The following SKIC2 variants were observed in gnomAD, a reference collection of about 807,000 sequenced individuals.
The protein encoded by SKIC2 is superkiller complex protein 2.
At chr6:31,968,462 G>A in the SKIC2 span, 5 of 1,612,882 alleles carry the variant, frequency 3.1e-6, no homozygotes, top group Admixed American at 1.7e-5. The surrounding 1 kb of genome is among the most constrained non-coding windows in gnomAD (Gnocchi z 6.1). Context: ...GTTGTAGAGG[G>A]TGGGCTCCGG....
the SKIC2 span, chr6:31,968,562 C>T: frequency 1.9e-6 from 3 of 1,598,608 alleles, no homozygotes; most frequent in Non-Finnish European, 2.6e-6. The surrounding 1 kb of genome is among the most constrained non-coding windows in gnomAD (Gnocchi z 6.1). Flanking sequence ...TGGTAACTCC[C>T]AAGCTGGGAG....
the SKIC2 span, chr6:31,967,668 G>A: frequency 1.2e-6 from 2 of 1,603,182 alleles, no homozygotes; most frequent in South Asian, 2.2e-5. The surrounding 1 kb of genome is among the most constrained non-coding windows in gnomAD (Gnocchi z 4.9). Flanking sequence ...TGCCTTTGAT[G>A]TCTACTCATC....
the SKIC2 span, chr6:31,969,549 CT>C: frequency 2.0e-5 from 33 of 1,613,840 alleles, no homozygotes; most frequent in Admixed American, 5.2e-4. The surrounding 1 kb of genome is among the most constrained non-coding windows in gnomAD (Gnocchi z 6.1). Context: ...TCAGGGACCC[CT>C]GAGGGCCTGG....
the SKIC2 span, chr6:31,961,239 G>T: frequency 6.2e-7 from 1 of 1,613,270 alleles, no homozygotes. Flanking sequence ...TTAGCTGTAT[G>T]TTGGAGCCTC....
At chr6:31,961,579 C>T in the SKIC2 span, 2 of 1,612,758 alleles carry the variant, frequency 1.2e-6, no homozygotes, top group Non-Finnish European at 1.7e-6. Flanking sequence ...CCCCAGAGGC[C>T]CCAGAGCCTC....
the SKIC2 span, chr6:31,963,455 C>T: frequency 6.2e-7 from 1 of 1,611,138 alleles, no homozygotes; most frequent in Non-Finnish European, 8.5e-7. The surrounding 1 kb of genome is among the most constrained non-coding windows in gnomAD (Gnocchi z 5.3). Flanking sequence ...GCACTGTAAC[C>T]CGCCCCGTGC....
the SKIC2 span, chr6:31,968,281 G>A: frequency 6.5e-7 from 1 of 1,531,798 alleles, no homozygotes; most frequent in Non-Finnish European, 9.0e-7. This position sits in a 1 kb window ranked among gnomAD's most constrained non-coding sequence, Gnocchi z 6.1. Flanking sequence ...AGGCTTCTGG[G>A]GGAGAGAAGA....
the SKIC2 span, chr6:31,963,643 T>C: frequency 1.3e-6 from 2 of 1,547,880 alleles, no homozygotes; most frequent in Non-Finnish European, 1.7e-6. This position sits in a 1 kb window ranked among gnomAD's most constrained non-coding sequence, Gnocchi z 5.3. Flanking sequence ...CCAGGTACTA[T>C]GCAGCTGTGG....
the SKIC2 span, chr6:31,963,630 G>A: frequency 2.0e-6 from 3 of 1,536,818 alleles, no homozygotes; most frequent in South Asian, 3.8e-5. This position sits in a 1 kb window ranked among gnomAD's most constrained non-coding sequence, Gnocchi z 5.3. Flanking sequence ...CCCTCCCTGT[G>A]CCCCAGGTAC....
the SKIC2 span, chr6:31,963,568 C>T: frequency 1.3e-5 from 20 of 1,558,612 alleles, no homozygotes; most frequent in Admixed American, 1.0e-4. The surrounding 1 kb of genome is among the most constrained non-coding windows in gnomAD (Gnocchi z 5.3). Flanking sequence ...GGGTAAGCCT[C>T]GAGATGGGGG....
At chr6:31,965,752 T>A in the SKIC2 span, 1 of 1,404,394 alleles carries the variant, frequency 7.1e-7, no homozygotes, top group Non-Finnish European at 1.0e-6. This position sits in a 1 kb window ranked among gnomAD's most constrained non-coding sequence, Gnocchi z 5.6. Flanking sequence ...GTAGAGCCTT[T>A]GCTGATCCTT....
chr6:31,969,354 G>A, the SKIC2 span: 1 of 1,614,226 alleles, frequency 6.2e-7, no homozygotes, highest in African/African-American at 1.3e-5. This position sits in a 1 kb window ranked among gnomAD's most constrained non-coding sequence, Gnocchi z 6.1. Flanking sequence ...ACCAGACGGT[G>A]GAGGAATTTG....
the SKIC2 span, chr6:31,961,046 C>T: frequency 1.3e-5 from 21 of 1,611,034 alleles, no homozygotes; most frequent in Non-Finnish European, 1.6e-5. Context: ...TACAGATCTT[C>T]TTACTATTCC....
At chr6:31,969,207 C>T in the SKIC2 span, 46 of 1,580,774 alleles carry the variant, frequency 2.9e-5, no homozygotes, top group Non-Finnish European at 3.7e-5. The surrounding 1 kb of genome is among the most constrained non-coding windows in gnomAD (Gnocchi z 6.1). Context: ...TGGAAAATGG[C>T]TGCCTTCTTG....
chr6:31,969,534 G>A, the SKIC2 span: 1 of 1,613,412 alleles, frequency 6.2e-7, no homozygotes. The surrounding 1 kb of genome is among the most constrained non-coding windows in gnomAD (Gnocchi z 6.1). Context: ...GAGTTGGCAG[G>A]GCTCTCAGGG....
chr6:31,967,204 G>A, the SKIC2 span: 336 of 1,608,648 alleles, frequency 2.1e-4, 1 homozygote, highest in Non-Finnish European at 2.7e-4. The surrounding 1 kb of genome is among the most constrained non-coding windows in gnomAD (Gnocchi z 4.9). Flanking sequence ...TGTTACTCTA[G>A]GTGCTACTAA....
the SKIC2 span, chr6:31,969,236 C>T: frequency 1.2e-6 from 2 of 1,609,882 alleles, no homozygotes; most frequent in Admixed American, 1.7e-5. This position sits in a 1 kb window ranked among gnomAD's most constrained non-coding sequence, Gnocchi z 6.1. Flanking sequence ...CTTCCCTGTC[C>T]TGGAGCAGGA....
At chr6:31,962,076 T>G in the SKIC2 span, 1 of 1,608,640 alleles carries the variant, frequency 6.2e-7, no homozygotes, top group South Asian at 1.1e-5. This position sits in a 1 kb window ranked among gnomAD's most constrained non-coding sequence, Gnocchi z 5.0. Context: ...TTTGCCAACC[T>G]CCCCCTTCAC....
the SKIC2 span, chr6:31,968,024 C>T: frequency 1.2e-5 from 20 of 1,612,926 alleles, no homozygotes; most frequent in African/African-American, 5.3e-5. The surrounding 1 kb of genome is among the most constrained non-coding windows in gnomAD (Gnocchi z 6.1). Flanking sequence ...CAAGGTGCTC[C>T]GGGTGAATGG....
Sources: allele counts gnomAD v4.1 joint callset, GRCh38; gene constraint gnomAD v4.1.1; non-coding constraint Gnocchi (gnomAD v3.1); transcripts MANE v1.5; gene names NCBI Gene and HGNC (gene_info 2026-07-23, HGNC 2026-07-21).